EGFR: variants seen among roughly 807,000 people sequenced by gnomAD.
The protein encoded by EGFR is epidermal growth factor receptor.
Under a neutral mutation model 143.0 loss-of-function variants are expected in EGFR, and 58 were observed. The observed-to-expected ratio is 0.41, with a 90% confidence interval of 0.33 to 0.50. The LOEUF (loss-of-function observed/expected upper bound fraction) is 0.50. Ranked by LOEUF, EGFR falls within the 20% of genes least tolerant of loss-of-function variation. The probability of loss-of-function intolerance (pLI) is 0.39; values close to 1 mark genes in which losing one functional copy is unlikely to be tolerated. For missense variants in EGFR, 1,307 were observed against 1,579.0 expected, an observed-to-expected ratio of 0.83 and a Z score of 2.92; for synonymous variants, 613 against 594.4, an observed-to-expected ratio of 1.03 and a Z score of -0.45.
chr7:55,133,013 C>T (rs1793942384), intron 1 of EGFR, among the ~76,000 whole-genome samples: 1 of 152,158 alleles, frequency 6.6e-6, no homozygotes, highest in African/African-American at 2.4e-5. Flanking sequence ...AGGGCGACAG[C>T]TCAACCAGCA....
intron 27 of EGFR, chr7:55,202,960 T>A: frequency 1.7e-6 from 1 of 571,796 alleles, no homozygotes; most frequent in South Asian, 2.3e-5. Flanking sequence ...TGTGTATGTG[T>A]GTGTTTGTGA....
At chr7:55,132,391 A>G (rs1193506552) in intron 1 of EGFR, among the ~76,000 whole-genome samples, 2 of 152,240 alleles carry the variant, frequency 1.3e-5, no homozygotes, top group Non-Finnish European at 2.9e-5. Context: ...TGTTTCTTAC[A>G]GATAACTATG....
intron 1 of EGFR, among the ~76,000 whole-genome samples, chr7:55,037,510 CCTTCCGCACGCGGTGT>C (rs1315639106): frequency 2.0e-5 from 3 of 152,210 alleles, no homozygotes; most frequent in African/African-American, 7.2e-5. Context: ...TTCCTCAGAG[CCTTCCGCACGCGGTGT>C]CTCATTTGAA....
chr7:55,149,328 C>A (rs893834655), intron 4 of EGFR, among the ~76,000 whole-genome samples: 2 of 151,998 alleles, frequency 1.3e-5, no homozygotes, highest in Admixed American at 1.3e-4. Flanking sequence ...AGAACATGAG[C>A]AGCCTCTCTC....
intron 12 of EGFR, 110 bp downstream of exon 12, chr7:55,160,448 T>A: frequency 8.6e-7 from 1 of 1,157,268 alleles, no homozygotes; most frequent in Non-Finnish European, 1.2e-6. Context: ...TTCAGTTCCT[T>A]AAGAAGCAAA....
At chr7:55,158,313 T>C (rs1379422046) in intron 11 of EGFR, among the ~76,000 whole-genome samples, 3 of 152,194 alleles carry the variant, frequency 2.0e-5, no homozygotes, top group African/African-American at 7.2e-5. Flanking sequence ...ATCATCAGTT[T>C]AGTGGTGTGG....
At chr7:55,108,640 T>C (rs1283542446) in intron 1 of EGFR, among the ~76,000 whole-genome samples, 1 of 152,086 alleles carries the variant, frequency 6.6e-6, no homozygotes, top group African/African-American at 2.4e-5. Context: ...ACAGGAGAGA[T>C]GGGGAAGGGA....
At chr7:55,172,929 G>A (rs1404109480) in intron 16 of EGFR, 54 bp from the exon 17 acceptor site, 2 of 1,613,858 alleles carry the variant, frequency 1.2e-6, no homozygotes, top group South Asian at 1.1e-5. Context: ...GAGTGCCAAG[G>A]CCATGGAATC....
At chr7:55,089,913 C>T (rs187487655) in intron 1 of EGFR, among the ~76,000 whole-genome samples, 1 of 152,180 alleles carries the variant, frequency 6.6e-6, no homozygotes, top group Admixed American at 6.5e-5. Flanking sequence ...AGTTCAAATT[C>T]ACCTATGTGA....
intron 1 of EGFR, among the ~76,000 whole-genome samples, chr7:55,123,385 A>G (rs554795739): frequency 3.3e-5 from 5 of 152,348 alleles, no homozygotes; most frequent in Admixed American, 6.5e-5. Flanking sequence ...TTGATATATC[A>G]TTCCTTTTAC....
At chr7:55,126,075 C>T (rs1434722131) in intron 1 of EGFR, among the ~76,000 whole-genome samples, 3 of 152,246 alleles carry the variant, frequency 2.0e-5, no homozygotes, top group Admixed American at 1.3e-4. Flanking sequence ...CCACATGTGG[C>T]GGGGCCCCGC....
At chr7:55,035,658 C>T (rs1272426308) in intron 1 of EGFR, among the ~76,000 whole-genome samples, 1 of 148,606 alleles carries the variant, frequency 6.7e-6, no homozygotes, top group Non-Finnish European at 1.5e-5. Context: ...GCACTTCAGC[C>T]TGGGTGACAG....
At chr7:55,115,464 T>C (rs1470580882) in intron 1 of EGFR, among the ~76,000 whole-genome samples, 1 of 152,240 alleles carries the variant, frequency 6.6e-6, no homozygotes, top group Non-Finnish European at 1.5e-5. Context: ...TTTATTGTCC[T>C]CTACTGGATT....
intron 1 of EGFR, among the ~76,000 whole-genome samples, chr7:55,094,251 C>G (rs1417277604): frequency 6.6e-6 from 1 of 152,216 alleles, no homozygotes; most frequent in African/African-American, 2.4e-5. Context: ...AGCTTCTTAT[C>G]CTGGGAGAGA....
chr7:55,200,557 G>A (rs2128970339), intron 24 of EGFR, 144 bp downstream of exon 24: 1 of 823,886 alleles, frequency 1.2e-6, no homozygotes, highest in Non-Finnish European at 2.0e-6. Context: ...GCAAGCCTCA[G>A]TAAGGCGCAG....
At chr7:55,111,122 G>T (rs988342528) in intron 1 of EGFR, among the ~76,000 whole-genome samples, 10 of 152,148 alleles carry the variant, frequency 6.6e-5, no homozygotes, top group African/African-American at 2.2e-4. Context: ...CTCTTCCCAA[G>T]AAACCCTGCC....
At chr7:55,048,299 A>G (rs1301145546) in intron 1 of EGFR, among the ~76,000 whole-genome samples, 1 of 152,198 alleles carries the variant, frequency 6.6e-6, no homozygotes, top group African/African-American at 2.4e-5. Context: ...GGCTCCCAGC[A>G]TTTCCAGGGC....
intron 4 of EGFR, among the ~76,000 whole-genome samples, chr7:55,150,763 A>G (rs749877378): frequency 1.3e-5 from 2 of 152,258 alleles, no homozygotes; most frequent in African/African-American, 2.4e-5. Context: ...CAGTCATGAA[A>G]GTGATCTGCA....
intron 1 of EGFR, chr7:55,119,152 T>A (rs572593990): frequency 7.9e-5 from 12 of 152,208 alleles, no homozygotes; most frequent in Non-Finnish European, 1.6e-4. Context: ...GTGAAAGCTA[T>A]AAAATTAATT....
Sources: gnomAD v4.1 joint callset for allele counts (sites outside exome capture counted in the v4.1 genomes callset) on GRCh38, gnomAD v4.1.1 for gene constraint, MANE v1.5 for transcripts, NCBI Gene and HGNC (gene_info 2026-07-23, HGNC 2026-07-21) for gene names.